ADGRB2: variants seen among roughly 807,000 people sequenced by gnomAD.
ADGRB2 encodes the protein adhesion G protein-coupled receptor B2, also known as brain-specific angiogenesis inhibitor 2.
In ADGRB2, 47 loss-of-function variants were observed where a neutral mutation model predicts 178.7. That is an observed-to-expected ratio of 0.26 (90% confidence interval 0.21 to 0.34). The LOEUF is 0.34. ADGRB2 is among the 10% of genes least tolerant of loss of function. ADGRB2 has a pLI of 1.00. For synonymous variants in ADGRB2, 870 were observed against 912.4 expected, an observed-to-expected ratio of 0.95 and a Z score of 0.84; for missense variants, 1,584 against 2,180.8, an observed-to-expected ratio of 0.73 and a Z score of 5.45.
In ADGRB2 at chr1:31,756,182, C is replaced by T. The variant is rs758818098; in HGVS notation, c.655G>A (p.Ala219Thr). 5.0e-6 allele frequency: 8 copies of T among 1,612,964 alleles called. No individual in the cohort carries two copies. Among genetic ancestry groups the T allele is most frequent in the East Asian group, 2.2e-5 (1 of 44,890 alleles). ...CCAGGGCAGCTGCAGCCTGGCTGAG[C>T]AAAGCCGCAGGCCCTGCCGGCAGCG... The part of the protein sequence containing the change: ...GRAAGRACGF[A>T]QPGCSCPGEA... Residue 219 changes from alanine (A) to threonine (T), a missense_variant, in exon 4 of 33, where the codon GCT (alanine) becomes ACT (threonine). This residue lies in a region of ADGRB2 where 657 missense variants were observed against 847.6 expected (regional missense o/e 0.78). Transcript: ENST00000373658. This position sits in a 1 kb window ranked among gnomAD's most constrained non-coding sequence, Gnocchi z 8.5.
At chr1:31,749,737 C>T (rs1280515505) in intron 4 of ADGRB2, among the ~76,000 whole-genome samples, 3 of 152,198 alleles carry the variant, frequency 2.0e-5, no homozygotes, top group Non-Finnish European at 4.4e-5. Context: ...CATGGTGAAA[C>T]CCCGTCTCTA....
intron 4 of ADGRB2, among the ~76,000 whole-genome samples, chr1:31,745,371 T>C (rs1646219678): frequency 2.0e-5 from 3 of 152,168 alleles, no homozygotes. Context: ...CCAACAGACC[T>C]TTCTCCTGCT....
Position 31,741,282 on chromosome 1 carries a change from C to T in ADGRB2, c.1794+91G>A, listed in dbSNP as rs145972293. 9.5e-5 allele frequency: 127 copies of T among 1,334,572 alleles called. No individual in the cohort carries two copies. In the African/African-American group the frequency reaches 1.5e-3, roughly 16 times the overall value. 82.7% of individuals were successfully genotyped at this position (1,334,572 alleles called of 1,614,324 possible). A position where few individuals can be genotyped will look rare whatever the true frequency, so the allele number is the denominator to read the frequency against. Reference sequence around the variant, plus strand: ...AGTGGGCACAGCATATGCCAAGGCACGTGGGAACGAGCGAGAATCACGCTC... The same window carrying T: ...AGTGGGCACAGCATATGCCAAGGCATGTGGGAACGAGCGAGAATCACGCTC... On this transcript the variant is annotated intron_variant, in intron 11 of 32. Transcript: ENST00000373658. The surrounding 1 kb of genome is among the most constrained non-coding windows in gnomAD (Gnocchi z 6.5).
Position 31,739,566 on chromosome 1 carries a change from C to T in ADGRB2, c.2237G>A (p.Arg746Gln). 1.9e-6 allele frequency: 3 copies of T among 1,611,946 alleles called. No homozygotes were observed. Among genetic ancestry groups the T allele is most frequent in the Non-Finnish European group, 1.7e-6 (2 of 1,179,286 alleles). ...SDITFPMRGRRGMKDWVRHSE... is the reference protein window; with the variant it reads ...SDITFPMRGRQGMKDWVRHSE... ...GTGCCGCACCCAGTCCTTCATGCCC[C>T]GGCGGCCCCGCATGGGGAACGTGAT... The change falls in exon 15 of 33, where the codon CGG (arginine) becomes CAG (glutamine). Residue 746 changes from arginine to glutamine, a missense_variant. Coordinates refer to ENST00000373658, the MANE Select transcript of ADGRB2 (RefSeq NM_001364857.2).
At chr1:31,730,273 A>G (rs1034833250) in intron 29 of ADGRB2, among the ~76,000 whole-genome samples, 1 of 151,920 alleles carries the variant, frequency 6.6e-6, no homozygotes. Context: ...CAGCATCTGC[A>G]GCTGATTTCA....
intron 6 of ADGRB2, chr1:31,743,806 G>A (rs1646121384): frequency 5.6e-6 from 1 of 178,054 alleles, no homozygotes; most frequent in Non-Finnish European, 1.2e-5. Context: ...GATCTTGAAA[G>A]ACAGGCTGAA....
rs1021428638 is a variant in ADGRB2 at position 31,740,888 on chromosome 1, C to T, written c.1795-347G>A. Reference sequence around the variant, plus strand: ...GGAGTGTAATGAGCATGTGTGTGGGCGCGCGCGCACACACACACACACACA... The same window carrying T: ...GGAGTGTAATGAGCATGTGTGTGGGTGCGCGCGCACACACACACACACACA... On this transcript the variant is annotated intron_variant, in intron 11 of 32. Coordinates refer to ENST00000373658, the MANE Select transcript of ADGRB2 (RefSeq NM_001364857.2). The surrounding 1 kb of genome is among the most constrained non-coding windows in gnomAD (Gnocchi z 5.9). Among the ~76,000 whole-genome samples the T allele has an allele frequency of 1.7e-4, 13 of 77,478 alleles. No homozygotes were observed. The highest frequency in any genetic ancestry group is 3.9e-4 in the South Asian group (1 of 2,532). The allele number at this position is 77,478 out of a possible 152,430, so 50.8% of individuals were successfully genotyped here.
chr1:31,742,608 C>T (rs1391079532), intron 7 of ADGRB2, among the ~76,000 whole-genome samples: 1 of 152,212 alleles, frequency 6.6e-6, no homozygotes, highest in Non-Finnish European at 1.5e-5. Context: ...AAAGAGCTGT[C>T]CCCTCTTGAT....
chr1:31,750,002 T>C (rs1254698005), intron 4 of ADGRB2, among the ~76,000 whole-genome samples: 2 of 151,994 alleles, frequency 1.3e-5, no homozygotes, highest in East Asian at 1.9e-4. Context: ...GAAAGGGAGA[T>C]GTAACCCCTT....
chr1:31,730,900 G>A lies in ADGRB2; in HGVS notation c.4280C>T (p.Pro1427Leu), dbSNP rs146789434. 37 of 1,579,722 alleles carry A rather than the reference G, an allele frequency of 2.3e-5. No homozygotes were observed. Among genetic ancestry groups the A allele is most frequent in the East Asian group, 2.0e-4 (9 of 44,544 alleles). ...CACTTGGCGGGCGCTGGGTGTCGGC[G>A]GTGGCGGTTGGAAGGTCATTCCATA... ...NPYGMTFQPP[P>L]PTPSARQVPE... The change falls in exon 29 of 33, where the codon CCG (proline) becomes CTG (leucine). Residue 1427 changes from proline to leucine, a missense_variant. Pro to Leu is a moderately conservative substitution (Grantham distance 98). Around this residue, in one of 3 missense-constraint regions of ADGRB2, gnomAD observed 865 missense variants for 1,192.8 expected, o/e 0.73. Transcript: ENST00000373658.
chr1:31,732,121 G>C lies in ADGRB2; in HGVS notation c.3754C>G (p.Gln1252Glu). The C allele has an allele frequency of 6.2e-7, 1 of 1,614,068 alleles. No homozygotes were observed. Among genetic ancestry groups the C allele is most frequent in the South Asian group, 1.1e-5 (1 of 91,074 alleles). The change falls in exon 28 of 33, where the codon CAA (glutamine) becomes GAA (glutamate). Residue 1252 changes from glutamine (Q) to glutamate (E), a missense_variant. By Grantham distance (29) the Gln-to-Glu change is conservative. This residue lies in a region of ADGRB2 where 865 missense variants were observed against 1,192.8 expected (regional missense o/e 0.73). Transcript: ENST00000373658. ...DFEKDVDLAC[Q>E]TVLFKEVNTC... is the part of the protein sequence containing the mutation. Reference sequence around the variant, plus strand: ...TCTGCCACGGCACACTCACCTGTTTGACAAGCCAGATCCACATCCTTTTCA... The same window carrying C: ...TCTGCCACGGCACACTCACCTGTTTCACAAGCCAGATCCACATCCTTTTCA...
At chr1:31,743,319 G>C (rs1646087698) in intron 6 of ADGRB2, 1 of 285,452 alleles carries the variant, frequency 3.5e-6, no homozygotes, top group South Asian at 1.5e-4. Context: ...ATTCAGGAAA[G>C]GACCCAGGAC....
intron 4 of ADGRB2, among the ~76,000 whole-genome samples, chr1:31,751,703 A>T (rs185997820): frequency 1.4e-4 from 21 of 152,342 alleles, no homozygotes; most frequent in Middle Eastern, 3.4e-3. Context: ...ATTAAATTTT[A>T]AAAATGATAC....
At chr1:31,729,182 C>A (rs1645151594) in intron 29 of ADGRB2, among the ~76,000 whole-genome samples, 1 of 152,084 alleles carries the variant, frequency 6.6e-6, no homozygotes, top group African/African-American at 2.4e-5. Context: ...TGTACTGTAC[C>A]CAGTGCTACT....
rs986077409 is a variant in ADGRB2 at position 31,764,165 on chromosome 1, GC to G, written c.-473del. The G allele has an allele frequency of 2.4e-5, 14 of 582,124 alleles. No homozygotes were observed. In the Admixed American group the frequency reaches 4.7e-4, roughly 19 times the overall value. The allele number at this position is 582,124 out of a possible 1,614,324, so 36.1% of individuals were successfully genotyped here. A position where few individuals can be genotyped will look rare whatever the true frequency, so the allele number is the denominator to read the frequency against. On this transcript the variant is annotated 5_prime_UTR_variant, in exon 1 of 33. Transcript: ENST00000373658. The surrounding 1 kb of genome is among the most constrained non-coding windows in gnomAD (Gnocchi z 7.3). ...CCGCCCCCCGCTCCCCCGCTCCCCCGCCCCGAGCACCGCCCGCGCCGCGCGC... is the reference window on the plus strand; with the variant it reads ...CCGCCCCCCGCTCCCCCGCTCCCCCGCCCGAGCACCGCCCGCGCCGCGCGC...
intron 3 of ADGRB2, 63 bp downstream of exon 3, chr1:31,757,138 T>C: frequency 6.2e-7 from 1 of 1,613,330 alleles, no homozygotes; most frequent in South Asian, 1.1e-5. Flanking sequence ...TTCTGTTTCC[T>C]CAGAGTCAGC....
chr1:31,736,477 G>A, intron 21 of ADGRB2, 87 bp from the exon 22 acceptor site: 3 of 1,600,856 alleles, frequency 1.9e-6, no homozygotes, highest in Non-Finnish European at 2.6e-6. Flanking sequence ...GCTGACCCCT[G>A]TGCCCAGAGA....
chr1:31,740,456 G>A lies in ADGRB2; in HGVS notation c.1880C>T (p.Ala627Val), dbSNP rs747902956. Residue 627 changes from alanine to valine, a missense_variant, in exon 12 of 33, where the codon GCC becomes GTC. Ala to Val is a moderately conservative substitution (Grantham distance 64). Transcript: ENST00000373658. This position sits in a 1 kb window ranked among gnomAD's most constrained non-coding sequence, Gnocchi z 5.9. ...QVVRSLQELL[A>V]RRTYYSGDLL... ...GTCCCCACTATAGTAGGTGCGCCGG[G>A]CCAGTAGCTCCTGCAGGCTGCGCAC... 2 of 1,613,690 alleles carry A rather than the reference G, an allele frequency of 1.2e-6. No homozygotes were observed. Among genetic ancestry groups the A allele is most frequent in the East Asian group, 4.5e-5 (2 of 44,858 alleles).
Position 31,736,737 on chromosome 1 carries a change from G to A in ADGRB2, c.2980-14C>T. On this transcript the variant is annotated splice_polypyrimidine_tract_variant and intron_variant, in intron 20 of 32. Coordinates refer to ENST00000373658, the MANE Select transcript of ADGRB2 (RefSeq NM_001364857.2). ...GGTGCACACGCCCTGCAGGGAGAGG[G>A]AATGGGAGGGAGTGGCCCTGAGCAG... 6.2e-7 allele frequency: 1 copy of A among 1,612,008 alleles called. No homozygotes were observed. Among genetic ancestry groups the A allele is most frequent in the South Asian group, 1.1e-5 (1 of 90,886 alleles).
Sources: allele counts gnomAD v4.1 joint callset (sites outside exome capture counted in the v4.1 genomes callset), GRCh38; gene constraint gnomAD v4.1.1; regional missense constraint gnomAD v4.1.1; non-coding constraint Gnocchi (gnomAD v3.1); transcripts MANE v1.5; gene names NCBI Gene and HGNC (gene_info 2026-07-23, HGNC 2026-07-21).